The following FHIT variants were observed in gnomAD, a reference collection of about 807,000 sequenced individuals.
FHIT encodes fragile histidine triad diadenosine triphosphatase.
A neutral mutation model predicts 17.9 loss-of-function variants in FHIT; 19 were observed. That is an observed-to-expected ratio of 1.06 (90% confidence interval 0.74 to 1.56). The LOEUF (loss-of-function observed/expected upper bound fraction) is 1.56, where lower values mean the gene tolerates loss of function less well. Among genes scored for constraint, FHIT ranks in the 40% most tolerant of loss-of-function variants. The probability of loss-of-function intolerance (pLI) is 0.00; values close to 1 mark genes in which losing one functional copy is unlikely to be tolerated. For missense variants in FHIT, 248 were observed against 189.2 expected (o/e 1.31, Z -1.82); for synonymous variants, 81 against 69.7 (o/e 1.16, Z -0.81).
intron 5 of FHIT, among the ~76,000 whole-genome samples, chr3:60,229,110 A>G (rs981610493): frequency 1.3e-5 from 2 of 152,286 alleles, no homozygotes; most frequent in Middle Eastern, 3.4e-3. Context: ...ACTCAGGGAC[A>G]GTGCCCTCAA....
At chr3:59,755,570 G>C (rs145875911) in intron 8 of FHIT, among the ~76,000 whole-genome samples, 1 of 152,162 alleles carries the variant, frequency 6.6e-6, no homozygotes, top group African/African-American at 2.4e-5. Flanking sequence ...AGATTACTTT[G>C]GCTGCCCACA....
chr3:60,443,324 T>A (rs1488630507), intron 5 of FHIT, among the ~76,000 whole-genome samples: 1 of 152,186 alleles, frequency 6.6e-6, no homozygotes, highest in African/African-American at 2.4e-5. Flanking sequence ...ATAGGAGTGG[T>A]GAGAGAGGAC....
intron 7 of FHIT, among the ~76,000 whole-genome samples, chr3:59,984,534 C>T (rs7610776): frequency 0.011 from 1,703 of 152,050 alleles, 31 homozygotes; most frequent in African/African-American, 0.039. Flanking sequence ...ATTCCTGACA[C>T]TTTAGGCCTA....
chr3:59,923,222 A>C, intron 7 of FHIT, among the ~76,000 whole-genome samples: 1 of 4,736 alleles, frequency 2.1e-4, no homozygotes, highest in Non-Finnish European at 4.2e-4. Context: ...GAGACTCCTC[A>C]AAAAAAAAAA....
At chr3:60,306,137 T>A (rs778141698) in intron 5 of FHIT, among the ~76,000 whole-genome samples, 13 of 152,132 alleles carry the variant, frequency 8.5e-5, no homozygotes, top group Non-Finnish European at 1.9e-4. Flanking sequence ...CTAAGACATA[T>A]CACTGTTGTG....
chr3:60,150,925 A>T (rs1182542227), intron 5 of FHIT, among the ~76,000 whole-genome samples: 7 of 152,120 alleles, frequency 4.6e-5, no homozygotes, highest in South Asian at 2.1e-4. Context: ...CCTCAAAAAA[A>T]AAAAAAGGAT....
intron 3 of FHIT, among the ~76,000 whole-genome samples, chr3:61,030,703 A>T (rs2032969541): frequency 6.6e-6 from 1 of 152,220 alleles, no homozygotes; most frequent in South Asian, 2.1e-4. Context: ...ATTAAAAAAC[A>T]AAGCAGCCTT....
chr3:60,565,962 C>G (rs925146556), intron 4 of FHIT, among the ~76,000 whole-genome samples: 1 of 152,100 alleles, frequency 6.6e-6, no homozygotes, highest in Non-Finnish European at 1.5e-5. Flanking sequence ...TATGTTGTGT[C>G]TTTGTTCTCA....
intron 2 of FHIT, among the ~76,000 whole-genome samples, chr3:61,158,267 A>G (rs2037586988): frequency 6.6e-6 from 1 of 152,198 alleles, no homozygotes; most frequent in African/African-American, 2.4e-5. Context: ...AGAATCAACT[A>G]TTGACTTTGT....
chr3:61,215,322 A>G (rs2106792183), intron 1 of FHIT, among the ~76,000 whole-genome samples: 1 of 152,148 alleles, frequency 6.6e-6, no homozygotes, highest in Middle Eastern at 3.4e-3. Flanking sequence ...GTCTCAGGAT[A>G]CAAAATCAAT....
At chr3:60,426,747 G>C (rs141335523) in intron 5 of FHIT, among the ~76,000 whole-genome samples, 205 of 152,166 alleles carry the variant, frequency 1.3e-3, no homozygotes, top group Non-Finnish European at 2.6e-3. Flanking sequence ...TTTTGGCTTC[G>C]AGAAGTAAGG....
intron 4 of FHIT, among the ~76,000 whole-genome samples, chr3:60,690,958 AT>A (rs61483761): frequency 0.066 from 10,022 of 151,558 alleles, 495 homozygotes; most frequent in African/African-American, 0.15. Flanking sequence ...CAAAAAAAAA[AT>A]ATCTGATTTT....
At chr3:61,052,179 C>T (rs760880817) in intron 2 of FHIT, among the ~76,000 whole-genome samples, 28 of 152,168 alleles carry the variant, frequency 1.8e-4, no homozygotes, top group Non-Finnish European at 4.0e-4. Flanking sequence ...AATTTTATTA[C>T]GCACCAAGTA....
chr3:59,908,843 C>CTTTTTTTTTTTTTTTTTTT (rs1264578670), intron 8 of FHIT, among the ~76,000 whole-genome samples: 2 of 150,742 alleles, frequency 1.3e-5, no homozygotes, highest in African/African-American at 2.4e-5. Flanking sequence ...AAGAACATTT[C>CTTTTTTTTTTTTTTTTTTT]ATTTTTTAAT....
intron 3 of FHIT, among the ~76,000 whole-genome samples, chr3:60,943,879 C>G (rs1479204536): frequency 6.6e-6 from 1 of 152,160 alleles, no homozygotes; most frequent in Non-Finnish European, 1.5e-5. Context: ...ACTCTTATTT[C>G]TTTACCTATA....
At chr3:60,917,369 CTTCTT>C (rs1707059253) in intron 3 of FHIT, among the ~76,000 whole-genome samples, 1 of 152,234 alleles carries the variant, frequency 6.6e-6, no homozygotes, top group African/African-American at 2.4e-5. Context: ...ACCTGCCTCT[CTTCTT>C]GTCCCCTTCA....
At chr3:60,203,149 C>G (rs934880425) in intron 5 of FHIT, among the ~76,000 whole-genome samples, 1 of 152,054 alleles carries the variant, frequency 6.6e-6, no homozygotes. Context: ...AAGCAAGATG[C>G]TAACTATAGA....
intron 8 of FHIT, among the ~76,000 whole-genome samples, chr3:59,842,565 CT>C (rs1482309865): frequency 6.6e-6 from 1 of 152,172 alleles, no homozygotes; most frequent in East Asian, 1.9e-4. Flanking sequence ...TTCTCCATAT[CT>C]TTGCCAACAC....
chr3:59,786,808 G>T (rs1410113351), intron 8 of FHIT, among the ~76,000 whole-genome samples: 2 of 152,202 alleles, frequency 1.3e-5, no homozygotes, highest in East Asian at 1.9e-4. Flanking sequence ...GTCTTGTGAG[G>T]TTCCCTCAAT....
Sources: gnomAD v4.1 joint callset for allele counts (sites outside exome capture counted in the v4.1 genomes callset) on GRCh38, gnomAD v4.1.1 for gene constraint, MANE v1.5 for transcripts, NCBI Gene and HGNC (gene_info 2026-07-23, HGNC 2026-07-21) for gene names.